FGF18: variants seen among roughly 807,000 people sequenced by gnomAD.
FGF18 encodes the protein fibroblast growth factor 18.
Under a neutral mutation model 23.0 loss-of-function variants are expected in FGF18, and 5 were observed. The ratio of observed to expected loss-of-function variants is 0.22; its 90% CI spans 0.11 to 0.46. The LOEUF (loss-of-function observed/expected upper bound fraction) is 0.46, where lower values mean the gene tolerates loss of function less well. Among genes scored for constraint, FGF18 ranks in the 20% least tolerant of loss-of-function variants. The pLI is 0.99. For missense variants in FGF18, 180 were observed against 291.6 expected (o/e 0.62, Z 2.79); for synonymous variants, 117 against 118.9 (o/e 0.98, Z 0.10).
In FGF18 at chr5:171,421,244, G is replaced by A. The variant is rs572024731; in HGVS notation, c.69+801G>A. On this transcript the variant is annotated intron_variant, in intron 2 of 4. Coordinates refer to ENST00000274625, the MANE Select transcript of FGF18 (RefSeq NM_003862.3). Reference sequence around the variant, plus strand: ...AAGCCGTAGAAATGAAGGAAAAAGGGTTGGGGGGAGGGAGAGAGAAGAGCG... The same window carrying A: ...AAGCCGTAGAAATGAAGGAAAAAGGATTGGGGGGAGGGAGAGAGAAGAGCG... 3.9e-5 allele frequency among the ~76,000 whole-genome samples: 6 copies of A among 152,234 alleles called. No homozygotes were observed. The South Asian group carries it at 1.0e-3, about 26-fold the overall frequency.
chr5:171,422,000 T>C (rs1772016811), intron 2 of FGF18, among the ~76,000 whole-genome samples: 1 of 152,078 alleles, frequency 6.6e-6, no homozygotes, highest in Non-Finnish European at 1.5e-5. Flanking sequence ...GGGGGTCTGC[T>C]TGTCTGACCT....
In FGF18 at chr5:171,440,225, T is replaced by TGGGG. The variant is rs61100768; in HGVS notation, c.250+3958_250+3961dup. Among the ~76,000 whole-genome samples, 1 of 150,786 alleles carries TGGGG rather than the reference T, an allele frequency of 6.6e-6. No homozygotes were observed. On this transcript the variant is annotated intron_variant, in intron 3 of 4. Transcript: ENST00000274625. The surrounding 1 kb of genome is among the most constrained non-coding windows in gnomAD (Gnocchi z 4.0). Reference sequence around the variant, plus strand: ...ACCTGACCTCCTTACTATGGGTGTGTGGGGGGGGGTGGTGCCATCGCGGGC... The same window carrying TGGGG: ...ACCTGACCTCCTTACTATGGGTGTGTGGGGGGGGGGGGGTGGTGCCATCGCGGGC...
At chr5:171,423,497 C>T (rs1772049618) in intron 2 of FGF18, among the ~76,000 whole-genome samples, 1 of 152,188 alleles carries the variant, frequency 6.6e-6, no homozygotes, top group African/African-American at 2.4e-5. Context: ...ATGAGGCGGG[C>T]CAGGCTCGGC....
chr5:171,429,769 G>A (rs913152375), intron 2 of FGF18, among the ~76,000 whole-genome samples: 2 of 152,178 alleles, frequency 1.3e-5, no homozygotes, highest in East Asian at 1.9e-4. Context: ...GAGAGGCCGT[G>A]GGGCTGCATC....
At chr5:171,443,500 C>CCTTTTTTT (rs766926286) in intron 3 of FGF18, among the ~76,000 whole-genome samples, 1 of 70,416 alleles carries the variant, frequency 1.4e-5, no homozygotes, top group East Asian at 5.6e-4. Flanking sequence ...CTGTTATCAT[C>CCTTTTTTT]ATTTTTTTTT....
chr5:171,448,997 T>G, intron 3 of FGF18, 150 bp from the exon 4 acceptor site: 1 of 636,902 alleles, frequency 1.6e-6, no homozygotes, highest in African/African-American at 1.8e-5. Context: ...TTTAGGCATC[T>G]GTCCTGTGGG....
At chr5:171,452,168 C>A (rs916011635) in intron 4 of FGF18, among the ~76,000 whole-genome samples, 1 of 152,246 alleles carries the variant, frequency 6.6e-6, no homozygotes, top group Non-Finnish European at 1.5e-5. Flanking sequence ...CCTTGCTGAG[C>A]CTCAGCGTCG....
intron 3 of FGF18, among the ~76,000 whole-genome samples, chr5:171,441,723 A>G (rs1266380244): frequency 1.3e-5 from 2 of 152,164 alleles, no homozygotes; most frequent in African/African-American, 4.8e-5. Context: ...TTGCATCCCC[A>G]GTACACAGGG....
At chr5:171,442,152 G>A (rs1428009340) in intron 3 of FGF18, among the ~76,000 whole-genome samples, 2 of 152,202 alleles carry the variant, frequency 1.3e-5, no homozygotes, top group African/African-American at 2.4e-5. Context: ...GCTACAGCTA[G>A]GGTTAAACAG....
At chr5:171,455,915 AC>A (rs1772573805) in intron 4 of FGF18, among the ~76,000 whole-genome samples, 1 of 152,104 alleles carries the variant, frequency 6.6e-6, no homozygotes, top group Admixed American at 6.5e-5. Flanking sequence ...GGAGTCTGTT[AC>A]CTAATTGGAG....
chr5:171,453,338 G>T (rs1057015811), intron 4 of FGF18, among the ~76,000 whole-genome samples: 1 of 152,220 alleles, frequency 6.6e-6, no homozygotes, highest in African/African-American at 2.4e-5. Flanking sequence ...GTGAATTTCA[G>T]CCCAAAGCCT....
chr5:171,432,951 A>G (rs1420503162), intron 2 of FGF18, among the ~76,000 whole-genome samples: 1 of 152,218 alleles, frequency 6.6e-6, no homozygotes, highest in Non-Finnish European at 1.5e-5. Context: ...AAGCCATTGC[A>G]GTAGAGTGTT....
At chr5:171,423,486 C>G (rs1211579426) in intron 2 of FGF18, among the ~76,000 whole-genome samples, 1 of 152,174 alleles carries the variant, frequency 6.6e-6, no homozygotes, top group Admixed American at 6.5e-5. Flanking sequence ...ACAGACCAGG[C>G]ATGAGGCGGG....
Position 171,456,503 on chromosome 5 carries a change from T to C in FGF18, c.358-36T>C, listed in dbSNP as rs554155544. 16 of 1,593,564 alleles carry C rather than the reference T, an allele frequency of 1.0e-5. 1 individual carries two copies. In the South Asian group the frequency reaches 1.7e-4, roughly 17 times the overall value. ...TGCTTTGGCAAGCATAACTGAGTCA[T>C]TTTTTTCTTGAACACTCCCCCTCTC... On this transcript the variant is annotated intron_variant, in intron 4 of 4. Coordinates refer to ENST00000274625, the MANE Select transcript of FGF18 (RefSeq NM_003862.3). The surrounding 1 kb of genome is among the most constrained non-coding windows in gnomAD (Gnocchi z 6.1).
intron 3 of FGF18, among the ~76,000 whole-genome samples, chr5:171,446,067 C>T (rs755359886): frequency 6.6e-6 from 1 of 152,204 alleles, no homozygotes; most frequent in African/African-American, 2.4e-5. Flanking sequence ...TATTACTCCC[C>T]AAAGACTTTA....
intron 3 of FGF18, among the ~76,000 whole-genome samples, chr5:171,442,603 G>C (rs1015426045): frequency 6.6e-6 from 1 of 152,252 alleles, no homozygotes; most frequent in Non-Finnish European, 1.5e-5. Flanking sequence ...CTTTACCCCA[G>C]GCTTGGGGAA....
intron 3 of FGF18, 27 bp from the exon 4 acceptor site, chr5:171,449,120 G>C (rs757697994): frequency 2.0e-6 from 3 of 1,537,480 alleles, no homozygotes; most frequent in Non-Finnish European, 2.7e-6. Flanking sequence ...AATAAAATGT[G>C]TCTTGTTCTC....
rs139824691 is a variant in FGF18, at chr5:171,451,582, C to T, written c.357+2329C>T. ...CATCTCCAGGCCTTTCCCCGCTGCC[C>T]ACCTTCGGCTTTCTACAGCACATAC... On this transcript the variant is annotated intron_variant, in intron 4 of 4. Coordinates refer to ENST00000274625, the MANE Select transcript of FGF18 (RefSeq NM_003862.3). This position sits in a 1 kb window ranked among gnomAD's most constrained non-coding sequence, Gnocchi z 4.5. Among the ~76,000 whole-genome samples the T allele has an allele frequency of 1.1e-3, 174 of 152,360 alleles. No homozygotes were observed. Among genetic ancestry groups the T allele is most frequent in the African/African-American group, 3.9e-3 (161 of 41,582 alleles).
chr5:171,433,222 C>T (rs763674577), intron 2 of FGF18, among the ~76,000 whole-genome samples: 7 of 152,292 alleles, frequency 4.6e-5, no homozygotes, highest in Non-Finnish European at 8.8e-5. Context: ...AAGTGCCACC[C>T]GATAGCCCCT....
Sources: allele counts gnomAD v4.1 joint callset (sites outside exome capture counted in the v4.1 genomes callset), GRCh38; gene constraint gnomAD v4.1.1; non-coding constraint Gnocchi (gnomAD v3.1); transcripts MANE v1.5; gene names NCBI Gene and HGNC (gene_info 2026-07-23, HGNC 2026-07-21).